The following CCDC7 variants were observed in gnomAD, a reference collection of about 807,000 sequenced individuals.
CCDC7 encodes the protein coiled-coil domain-containing protein 7.
CCDC7 carries 183 observed loss-of-function variants against 196.9 expected under a neutral mutation model. The ratio of observed to expected loss-of-function variants is 0.93; its 90% CI spans 0.82 to 1.05. The LOEUF is 1.05. CCDC7 is among the 50% of genes least tolerant of loss of function. The pLI is 0.00. For synonymous variants in CCDC7, 525 were observed against 484.6 expected (o/e 1.08, Z -1.10); for missense variants, 1,540 against 1,482.2 (o/e 1.04, Z -0.64).
chr10:32,668,083 A>C (rs1194097714), intron 21 of CCDC7, among the ~76,000 whole-genome samples: 1 of 152,044 alleles, frequency 6.6e-6, no homozygotes, highest in Non-Finnish European at 1.5e-5. Flanking sequence ...GAGGTCCTTC[A>C]CGTCCCTTGT....
At chr10:32,594,714 G>T (rs1454386501) in intron 18 of CCDC7, among the ~76,000 whole-genome samples, 1 of 152,152 alleles carries the variant, frequency 6.6e-6, no homozygotes, top group East Asian at 1.9e-4. Context: ...ATTGTTTCGA[G>T]ATATGTCCCA....
At chr10:32,764,357 G>A (rs1228246308) in intron 28 of CCDC7, among the ~76,000 whole-genome samples, 1 of 151,668 alleles carries the variant, frequency 6.6e-6, no homozygotes, top group Admixed American at 6.6e-5. Flanking sequence ...CAGAAATCAG[G>A]GGAATATGTT....
chr10:32,459,646 A>ATTTTTTTTTTTTTTTTTTTTTT (rs60002951), intron 3 of CCDC7, among the ~76,000 whole-genome samples: 1 of 68,720 alleles, frequency 1.5e-5, no homozygotes, highest in Non-Finnish European at 2.5e-5. Context: ...CCTGCTGCAC[A>ATTTTTTTTTTTTTTTTTTTTTT]TTTTTTTTTT....
At chr10:32,741,056 A>C (rs1319188933) in intron 28 of CCDC7, among the ~76,000 whole-genome samples, 1 of 152,104 alleles carries the variant, frequency 6.6e-6, no homozygotes. Context: ...TTACTTTAAT[A>C]GTTCATAGCA....
intron 2 of CCDC7, among the ~76,000 whole-genome samples, chr10:32,454,686 T>G (rs1260745219): frequency 6.6e-6 from 1 of 152,188 alleles, no homozygotes; most frequent in Middle Eastern, 3.2e-3. Context: ...ATCCCCTTTA[T>G]TTTACTGAAT....
intron 28 of CCDC7, among the ~76,000 whole-genome samples, chr10:32,749,772 T>C (rs1376810987): frequency 6.6e-6 from 1 of 152,206 alleles, no homozygotes; most frequent in Non-Finnish European, 1.5e-5. Flanking sequence ...GTTTACTTTT[T>C]AAACAGTGTT....
intron 28 of CCDC7, among the ~76,000 whole-genome samples, chr10:32,752,385 T>C (rs946667098): frequency 2.0e-5 from 3 of 152,118 alleles, no homozygotes; most frequent in Admixed American, 6.6e-5. Flanking sequence ...TCAACCTTTT[T>C]CCCCCAAGTC....
At chr10:32,642,046 G>T (rs190489018) in intron 20 of CCDC7, among the ~76,000 whole-genome samples, 11 of 152,298 alleles carry the variant, frequency 7.2e-5, no homozygotes, top group African/African-American at 2.6e-4. Flanking sequence ...GTCATGTGAG[G>T]TGTCAGTCTG....
At chr10:32,709,793 T>G (rs1490250850) in intron 24 of CCDC7, among the ~76,000 whole-genome samples, 1 of 152,176 alleles carries the variant, frequency 6.6e-6, no homozygotes, top group Non-Finnish European at 1.5e-5. Context: ...GGAGGATTAA[T>G]TTTAATTTGG....
At chr10:32,461,752 C>CTAT (rs2035783634) in intron 3 of CCDC7, among the ~76,000 whole-genome samples, 1 of 66,296 alleles carries the variant, frequency 1.5e-5, no homozygotes, top group Admixed American at 1.8e-4. Context: ...TATATATATA[C>CTAT]ATATATATAT....
chr10:32,851,666 A>G lies in CCDC7; in HGVS notation c.3896-141A>G, dbSNP rs1237321845. ...GGATATTGAAATTTTGTTGCAGTCTATGTATCCTTTCAGTTTTTTTAAATG... is the reference window on the plus strand; with the variant it reads ...GGATATTGAAATTTTGTTGCAGTCTGTGTATCCTTTCAGTTTTTTTAAATG... On this transcript the variant is annotated intron_variant, in intron 39 of 41. Transcript: ENST00000639629. The G allele has an allele frequency of 5.3e-6, 4 of 760,828 alleles. No individual in the cohort carries two copies. In the African/African-American group the frequency reaches 7.4e-5, roughly 14 times the overall value. The allele number at this position is 760,828 out of a possible 1,614,324, so 47.1% of individuals were successfully genotyped here.
chr10:32,513,057 CTT>C (rs1462031100), intron 9 of CCDC7: 1 of 152,090 alleles, frequency 6.6e-6, no homozygotes, highest in Non-Finnish European at 1.5e-5. Context: ...TAGCAAATCT[CTT>C]TTTATCTACC....
At chr10:32,539,471 C>G (rs2051055001) in intron 11 of CCDC7, among the ~76,000 whole-genome samples, 1 of 151,702 alleles carries the variant, frequency 6.6e-6, no homozygotes. Context: ...TTTATAAAAC[C>G]AATTTCTGGA....
At chr10:32,842,366 G>A (rs1270414921) in intron 33 of CCDC7, among the ~76,000 whole-genome samples, 1 of 151,862 alleles carries the variant, frequency 6.6e-6, no homozygotes. Flanking sequence ...TCATTATCAG[G>A]GATATGCAAA....
At chr10:32,554,950 C>CAA (rs1564631822) in intron 13 of CCDC7, among the ~76,000 whole-genome samples, 17 of 152,322 alleles carry the variant, frequency 1.1e-4, no homozygotes, top group African/African-American at 3.8e-4. Context: ...TAAGTGAGAA[C>CAA]ATGTGAAGTT....
chr10:32,624,887 A>G (rs2063800531), intron 18 of CCDC7, among the ~76,000 whole-genome samples: 1 of 142,320 alleles, frequency 7.0e-6, no homozygotes, highest in African/African-American at 2.6e-5. Context: ...AGTTCATTAT[A>G]TTTTGTTTTT....
chr10:32,529,180 G>A (rs2049229255), intron 11 of CCDC7, among the ~76,000 whole-genome samples: 3 of 151,912 alleles, frequency 2.0e-5, no homozygotes, highest in South Asian at 4.1e-4. Context: ...TCACTACCAC[G>A]CCTGGCTAAT....
intron 13 of CCDC7, among the ~76,000 whole-genome samples, chr10:32,547,621 C>T (rs977871917): frequency 6.6e-6 from 1 of 151,950 alleles, no homozygotes; most frequent in East Asian, 1.9e-4. Context: ...TCTGTGGGTA[C>T]ATAGTAGGTG....
At chr10:32,840,596 C>T (rs1382874960) in intron 33 of CCDC7, among the ~76,000 whole-genome samples, 2 of 151,952 alleles carry the variant, frequency 1.3e-5, no homozygotes, top group Non-Finnish European at 2.9e-5. Flanking sequence ...TGGTACCAAT[C>T]CTACTGAGGT....
Sources: allele counts gnomAD v4.1 joint callset (sites outside exome capture counted in the v4.1 genomes callset), GRCh38; gene constraint gnomAD v4.1.1; transcripts MANE v1.5; gene names NCBI Gene and HGNC (gene_info 2026-07-23, HGNC 2026-07-21).